FIRRM: variants seen among roughly 807,000 people sequenced by gnomAD.
The protein encoded by FIRRM is FIGNL1-interacting regulator of recombination and mitosis.
chr1:169,818,902 G>A, the FIRRM span, among the ~76,000 whole-genome samples: 2 of 152,078 alleles, frequency 1.3e-5, no homozygotes, highest in African/African-American at 4.8e-5. Context: ...GGCCAGGCTG[G>A]TCTTGAACTC....
chr1:169,850,123 C>G, the FIRRM span: 1 of 606,340 alleles, frequency 1.6e-6, no homozygotes, highest in Non-Finnish European at 2.9e-6. Context: ...CTGAAGGAAT[C>G]ATGAGTTTAT....
At chr1:169,828,337 G>A in the FIRRM span, among the ~76,000 whole-genome samples, 5 of 152,124 alleles carry the variant, frequency 3.3e-5, no homozygotes, top group Admixed American at 6.5e-5. Context: ...CTGGCTCTGA[G>A]CTTCCTATTC....
the FIRRM span, chr1:169,795,932 T>G: frequency 1.0e-6 from 1 of 985,508 alleles, no homozygotes; most frequent in Non-Finnish European, 1.2e-6. Context: ...CATTCTTGAT[T>G]GGTCTCATGC....
chr1:169,821,632 A>G, the FIRRM span: 3 of 1,364,264 alleles, frequency 2.2e-6, no homozygotes, highest in Non-Finnish European at 3.0e-6. Context: ...CTAATTTTAT[A>G]TTCTTTTCTT....
chr1:169,792,401 T>C, the FIRRM span: 1 of 497,424 alleles, frequency 2.0e-6, no homozygotes, highest in East Asian at 3.4e-5. Flanking sequence ...CGAGGATACC[T>C]TCTCAGTTTC....
At chr1:169,852,738 G>C in the FIRRM span, 13 of 1,576,802 alleles carry the variant, frequency 8.2e-6, no homozygotes, top group East Asian at 2.5e-4. Context: ...CAAAAGGAAG[G>C]TTCTTTATAT....
At chr1:169,842,559 CT>C in the FIRRM span, 11 of 1,603,024 alleles carry the variant, frequency 6.9e-6, no homozygotes, top group Middle Eastern at 1.7e-4. Context: ...GCAACTGATC[CT>C]TTCCTTATCA....
chr1:169,805,840 TTAAA>T, the FIRRM span, among the ~76,000 whole-genome samples: 1 of 152,242 alleles, frequency 6.6e-6, no homozygotes, highest in African/African-American at 2.4e-5. Context: ...AGTGTGACAC[TTAAA>T]TAGTTTAAAT....
the FIRRM span, chr1:169,793,904 A>AC: frequency 2.6e-6 from 1 of 390,724 alleles, no homozygotes. Flanking sequence ...AGCTCTGGAA[A>AC]GAAAAAAAAA....
At chr1:169,840,041 G>A in the FIRRM span, among the ~76,000 whole-genome samples, 1 of 152,158 alleles carries the variant, frequency 6.6e-6, no homozygotes, top group African/African-American at 2.4e-5. Flanking sequence ...CTGTAGGTAT[G>A]TGGCTTTATT....
At chr1:169,793,017 T>C in the FIRRM span, 1 of 1,614,058 alleles carries the variant, frequency 6.2e-7, no homozygotes. Context: ...TTAGGTAAGG[T>C]TACTTCATCA....
chr1:169,834,956 G>A, the FIRRM span, among the ~76,000 whole-genome samples: 1 of 152,116 alleles, frequency 6.6e-6, no homozygotes, highest in Non-Finnish European at 1.5e-5. Context: ...TTTCTGAAGA[G>A]GTGCAGTATG....
the FIRRM span, chr1:169,793,571 T>C: frequency 2.5e-6 from 4 of 1,614,040 alleles, no homozygotes. Context: ...GTCCCTCTCT[T>C]CTCCTTTTTG....
At chr1:169,800,715 C>CTTTTTTTTTT in the FIRRM span, among the ~76,000 whole-genome samples, 1 of 136,920 alleles carries the variant, frequency 7.3e-6, no homozygotes, top group African/African-American at 2.7e-5. Flanking sequence ...TCCTTTCTCT[C>CTTTTTTTTTT]TTTTTTTTTT....
the FIRRM span, among the ~76,000 whole-genome samples, chr1:169,838,507 T>C: frequency 6.6e-6 from 1 of 152,104 alleles, no homozygotes; most frequent in Non-Finnish European, 1.5e-5. Flanking sequence ...TTTTATTTTT[T>C]GAGATGGAGT....
At chr1:169,830,352 T>C in the FIRRM span, 5 of 1,610,300 alleles carry the variant, frequency 3.1e-6, no homozygotes, top group Middle Eastern at 1.7e-4. Flanking sequence ...GTACAACATA[T>C]TTGCTTTTTT....
chr1:169,797,946 TGAA>T, the FIRRM span, among the ~76,000 whole-genome samples: 9 of 152,234 alleles, frequency 5.9e-5, no homozygotes, highest in African/African-American at 1.9e-4. Context: ...ATGGTGTATA[TGAA>T]GAATTTATTG....
chr1:169,797,699 C>A, the FIRRM span, among the ~76,000 whole-genome samples: 4 of 152,166 alleles, frequency 2.6e-5, no homozygotes, highest in African/African-American at 7.2e-5. Context: ...CACGTGCCAC[C>A]ATGCCCGGCT....
the FIRRM span, chr1:169,851,620 C>CTA: frequency 1.2e-5 from 8 of 655,456 alleles, no homozygotes; most frequent in South Asian, 1.8e-4. Context: ...AACTCTATAA[C>CTA]TAACTATTTT....
Sources: allele counts gnomAD v4.1 joint callset (sites outside exome capture counted in the v4.1 genomes callset), GRCh38; gene constraint gnomAD v4.1.1; transcripts MANE v1.5; gene names NCBI Gene and HGNC (gene_info 2026-07-23, HGNC 2026-07-21).